FBXL14: variants seen among roughly 807,000 people sequenced by gnomAD.
The protein encoded by FBXL14 is F-box and leucine rich repeat protein 14, also known as F-box/LRR-repeat protein 14.
Under a neutral mutation model 24.5 loss-of-function variants are expected in FBXL14, and 11 were observed. The observed-to-expected ratio is 0.45, with a 90% CI of 0.28 to 0.74. FBXL14 has a LOEUF of 0.74. Among genes scored for constraint, FBXL14 ranks in the 30% least tolerant of loss-of-function variants. FBXL14 has a pLI of 0.12. For synonymous variants in FBXL14, 294 were observed against 240.4 expected (o/e 1.22, Z -2.06); for missense variants, 384 against 545.6 (o/e 0.70, Z 2.95).
Position 1,579,287 on chromosome 12 carries a change from G to C in FBXL14, c.1195-12477C>G, listed in dbSNP as rs2094461721. Among the ~76,000 whole-genome samples the C allele has an allele frequency of 6.6e-6, 1 of 151,962 alleles. No homozygotes were observed. The highest frequency in any genetic ancestry group is 1.5e-5 in the Non-Finnish European group (1 of 67,970). On this transcript the variant is annotated intron_variant, in intron 1 of 1. Coordinates refer to ENST00000339235, the MANE Select transcript of FBXL14 (RefSeq NM_152441.3). The surrounding 1 kb of genome is among the most constrained non-coding windows in gnomAD (Gnocchi z 4.3). The stretch of plus-strand genomic sequence containing the variant: ...AGTAAAGCAAAAATATATCAATAAG[G>C]CATCATACTGACGAAAACAAAACCA...
chr12:1,593,505 C>T lies in FBXL14; in HGVS notation c.562G>A (p.Gly188Arg), dbSNP rs1163464816. ...CTGCGCGTCATGCCGGCCAGGTGCC[C>T]GATGCCCACATCCGAAAGGTGGCGG... is the stretch of plus-strand genomic sequence containing the variant. ...SCRHLSDVGI[G>R]HLAGMTRSAA... The change falls in exon 1 of 2, where the codon GGG becomes AGG. Residue 188 changes from glycine to arginine, a missense_variant. By Grantham distance (125) the Gly-to-Arg change is moderately radical. Coordinates refer to ENST00000339235, the MANE Select transcript of FBXL14 (RefSeq NM_152441.3). This position sits in a 1 kb window ranked among gnomAD's most constrained non-coding sequence, Gnocchi z 7.4. 6.2e-7 allele frequency: 1 copy of T among 1,613,736 alleles called. No individual in the cohort carries two copies. Among genetic ancestry groups the T allele is most frequent in the Non-Finnish European group, 8.5e-7 (1 of 1,179,936 alleles).
chr12:1,593,982 C>T lies in FBXL14; in HGVS notation c.85G>A (p.Ala29Thr), dbSNP rs2094496242. 1 of 1,585,658 alleles carries T rather than the reference C, an allele frequency of 6.3e-7. No individual in the cohort carries two copies. The highest frequency in any genetic ancestry group is 8.5e-7 in the Non-Finnish European group (1 of 1,173,914). Reference protein sequence around the residue: ...YLDVRDKGRAAQVCTAWRDAA... With the variant: ...YLDVRDKGRATQVCTAWRDAA... Reference sequence around the variant, plus strand: ...TCCCGCCAGGCGGTGCACACCTGCGCCGCGCGCCCCTTGTCCCGGACGTCC... The same window carrying T: ...TCCCGCCAGGCGGTGCACACCTGCGTCGCGCGCCCCTTGTCCCGGACGTCC... Residue 29 changes from alanine (A) to threonine (T), a missense_variant, in exon 1 of 2, where the codon GCG becomes ACG. Transcript: ENST00000339235. The surrounding 1 kb of genome is among the most constrained non-coding windows in gnomAD (Gnocchi z 7.4).
chr12:1,577,642 C>G (rs761398557), intron 1 of FBXL14, among the ~76,000 whole-genome samples: 6 of 152,266 alleles, frequency 3.9e-5, no homozygotes, highest in Admixed American at 3.9e-4. Flanking sequence ...GGGAGATGCC[C>G]GAGAGGACGT....
intron 1 of FBXL14, among the ~76,000 whole-genome samples, chr12:1,591,724 A>G (rs1229360873): frequency 6.6e-6 from 1 of 152,132 alleles, no homozygotes; most frequent in African/African-American, 2.4e-5. Flanking sequence ...CAGAGATAAG[A>G]TATGAGCTTC....
chr12:1,582,357 G>T (rs554711438), intron 1 of FBXL14, among the ~76,000 whole-genome samples: 1 of 152,106 alleles, frequency 6.6e-6, no homozygotes, highest in Non-Finnish European at 1.5e-5. Flanking sequence ...AGGAACTGCT[G>T]GTCCTCAGCG....
chr12:1,568,170 A>G (rs2094439365), intron 1 of FBXL14, among the ~76,000 whole-genome samples: 1 of 152,240 alleles, frequency 6.6e-6, no homozygotes, highest in South Asian at 2.1e-4. Flanking sequence ...CCAGAGTGAA[A>G]AAAACACATT....
At chr12:1,570,980 T>C (rs1177244154) in intron 1 of FBXL14, among the ~76,000 whole-genome samples, 1 of 152,186 alleles carries the variant, frequency 6.6e-6, no homozygotes, top group Non-Finnish European at 1.5e-5. Context: ...AGGACAGTGG[T>C]AGGTTAAATA....
Position 1,594,396 on chromosome 12 carries a change from A to G in FBXL14, c.-330T>C, listed in dbSNP as rs1199967445. ...CGCCGCCGCCGCCTCGGCTCTACCC[A>G]CGCCGCGCCCGGGCCGCGCCGCTCC... On this transcript the variant is annotated 5_prime_UTR_variant, in exon 1 of 2. Transcript: ENST00000339235. Among the ~76,000 whole-genome samples, 2 of 133,446 alleles carry G rather than the reference A, an allele frequency of 1.5e-5. No individual in the cohort carries two copies. The highest frequency in any genetic ancestry group is 2.5e-4 in the East Asian group (1 of 3,998). The allele number at this position is 133,446 out of a possible 152,430, so 87.5% of individuals were successfully genotyped here.
intron 1 of FBXL14, chr12:1,574,974 G>A (rs1373238141): frequency 1.3e-5 from 2 of 152,158 alleles, no homozygotes; most frequent in South Asian, 2.1e-4. Flanking sequence ...GGACAGTAAT[G>A]AATGAACAAA....
rs1400440410 is a variant in FBXL14, at chr12:1,589,224, C to CA, written c.1194+3648dup. On this transcript the variant is annotated intron_variant, in intron 1 of 1. Coordinates refer to ENST00000339235, the MANE Select transcript of FBXL14 (RefSeq NM_152441.3). ...GCAACATGGTGAAACCCTGTTTCTA[C>CA]AAAAAAAATACAAAAAAAAAAAAAA... Among the ~76,000 whole-genome samples, 233 of 41,966 alleles carry CA rather than the reference C, an allele frequency of 5.6e-3. 1 individual carries two copies. Among genetic ancestry groups the CA allele is most frequent in the Middle Eastern group, 0.014 (1 of 72 alleles). 27.5% of individuals were successfully genotyped at this position (41,966 alleles called of 152,430 possible).
intron 1 of FBXL14, among the ~76,000 whole-genome samples, chr12:1,590,610 C>G (rs936552735): frequency 1.3e-5 from 2 of 152,204 alleles, no homozygotes; most frequent in African/African-American, 2.4e-5. Flanking sequence ...TTTCATTAAT[C>G]TGCCCCGATT....
rs1035434981 is a variant in FBXL14, at chr12:1,567,358, G to T, written c.1195-548C>A. ...AAAAGAAAAATTAGCTGGGCGTGGT[G>T]GCAAGCACCTGTAATCCCAGCTGCT... On this transcript the variant is annotated intron_variant, in intron 1 of 1. Coordinates refer to ENST00000339235, the MANE Select transcript of FBXL14 (RefSeq NM_152441.3). The surrounding 1 kb of genome is among the most constrained non-coding windows in gnomAD (Gnocchi z 4.8). Among the ~76,000 whole-genome samples, 2 of 152,202 alleles carry T rather than the reference G, an allele frequency of 1.3e-5. No homozygotes were observed. Among genetic ancestry groups the T allele is most frequent in the Admixed American group, 1.3e-4 (2 of 15,290 alleles).
At chr12:1,588,908 G>A (rs573332469) in intron 1 of FBXL14, among the ~76,000 whole-genome samples, 11 of 151,676 alleles carry the variant, frequency 7.3e-5, no homozygotes, top group Admixed American at 3.9e-4. Context: ...TAGGTATGGC[G>A]GGGATCAACT....
rs1043326796 is a variant in FBXL14 at position 1,594,508 on chromosome 12, G to T, written c.-442C>A. On this transcript the variant is annotated 5_prime_UTR_variant, in exon 1 of 2. Coordinates refer to ENST00000339235, the MANE Select transcript of FBXL14 (RefSeq NM_152441.3). ...CCGCGGGCCGGCGGGCGGCGAGGGG[G>T]CCCCGGGGGCCGGGCGCACGGGCTC... is the stretch of plus-strand genomic sequence containing the variant. Among the ~76,000 whole-genome samples the T allele has an allele frequency of 6.8e-6, 1 of 147,294 alleles. No individual in the cohort carries two copies. Among genetic ancestry groups the T allele is most frequent in the Non-Finnish European group, 1.5e-5 (1 of 66,110 alleles).
At chr12:1,582,054 G>A (rs1328954875) in intron 1 of FBXL14, among the ~76,000 whole-genome samples, 1 of 151,928 alleles carries the variant, frequency 6.6e-6, no homozygotes, top group Non-Finnish European at 1.5e-5. Flanking sequence ...TGAACCCGGG[G>A]AGCAGAAGTT....
At chr12:1,590,036 A>G (rs2094485941) in intron 1 of FBXL14, among the ~76,000 whole-genome samples, 1 of 152,232 alleles carries the variant, frequency 6.6e-6, no homozygotes, top group Non-Finnish European at 1.5e-5. Context: ...CTTGGAAGAA[A>G]AACAGACTAA....
intron 1 of FBXL14, among the ~76,000 whole-genome samples, chr12:1,590,077 G>C (rs891781697): frequency 6.6e-6 from 1 of 152,108 alleles, no homozygotes; most frequent in Non-Finnish European, 1.5e-5. Context: ...TTCAGGAGTT[G>C]TGTCAAATGC....
chr12:1,574,336 C>G (rs1180644609), intron 1 of FBXL14, among the ~76,000 whole-genome samples: 1 of 220 alleles, frequency 4.5e-3, no homozygotes, highest in South Asian at 0.12. Context: ...GAGGAACAGC[C>G]ATGTGGGTGG....
intron 1 of FBXL14, among the ~76,000 whole-genome samples, chr12:1,570,732 C>G (rs931685061): frequency 6.6e-6 from 1 of 152,170 alleles, no homozygotes; most frequent in African/African-American, 2.4e-5. Flanking sequence ...TTTTGCCCAT[C>G]TTAGTCAGAA....
Sources: allele counts gnomAD v4.1 joint callset (sites outside exome capture counted in the v4.1 genomes callset), GRCh38; gene constraint gnomAD v4.1.1; non-coding constraint Gnocchi (gnomAD v3.1); transcripts MANE v1.5; gene names NCBI Gene and HGNC (gene_info 2026-07-23, HGNC 2026-07-21).